DAB1: variants seen among roughly 807,000 people sequenced by gnomAD.
DAB1 encodes the protein disabled homolog 1.
In DAB1, 15 loss-of-function variants were observed where a neutral mutation model predicts 64.6. The ratio of observed to expected loss-of-function variants is 0.23; its 90% confidence interval spans 0.16 to 0.36. The LOEUF is 0.36. Among genes scored for constraint, DAB1 ranks in the 10% least tolerant of loss-of-function variants. The pLI is 1.00. For missense variants in DAB1, 596 were observed against 706.7 expected (o/e 0.84, Z 1.78); for synonymous variants, 235 against 251.9 (o/e 0.93, Z 0.64).
At position 58,169,466 on chromosome 1, in the gene DAB1, C is replaced by A. The variant is rs149719877; in HGVS notation, n.310-18878G>T. Among the ~76,000 whole-genome samples the A allele has an allele frequency of 2.0e-5, 3 of 152,268 alleles. 1 individual carries two copies. The highest frequency in any genetic ancestry group is 6.8e-3 in the Middle Eastern group (2 of 294). On this transcript the variant is annotated intron_variant and non_coding_transcript_variant, in intron 4 of 20. Coordinates refer to the DAB1 transcript ENST00000485760. ...AAAATGCATCCTAAGCCATTGGGAA[C>A]AATTTGACCTGCAAACTCTGAAAGA...
At chr1:58,291,587 A>G (rs2100450540) in intron 4 of DAB1, among the ~76,000 whole-genome samples, 2 of 152,362 alleles carry the variant, frequency 1.3e-5, no homozygotes, top group South Asian at 4.1e-4. Flanking sequence ...CTAACACAAA[A>G]TATGTGATCA....
rs563586605 is a variant in DAB1 at position 57,393,130 on chromosome 1, C to T, written c.-137+30800G>A. Among the ~76,000 whole-genome samples the T allele has an allele frequency of 3.3e-5, 5 of 152,174 alleles. No individual in the cohort carries two copies. The South Asian group carries it at 8.3e-4, about 25-fold the overall frequency. On this transcript the variant is annotated intron_variant, in intron 1 of 14. Transcript: ENST00000371236. ...TGGAATGGCTAAATCGAGCTATTTC[C>T]TCTCTGTGTGACCTGAGCAAGCTAA...
chr1:57,363,999 T>A (rs757368481), intron 1 of DAB1, among the ~76,000 whole-genome samples: 10 of 152,182 alleles, frequency 6.6e-5, no homozygotes, highest in Non-Finnish European at 1.2e-4. Context: ...TAAAGGGATA[T>A]TTCCTAAGAA....
chr1:58,241,341 A>T (rs113482159), intron 4 of DAB1, among the ~76,000 whole-genome samples: 1 of 136,086 alleles, frequency 7.3e-6, no homozygotes, highest in African/African-American at 3.0e-5. Context: ...CAAACAAATC[A>T]TTTCCTACAA....
intron 6 of DAB1, among the ~76,000 whole-genome samples, chr1:57,777,145 T>C (rs1012106523): frequency 1.3e-5 from 2 of 149,716 alleles, no homozygotes; most frequent in Non-Finnish European, 3.0e-5. Flanking sequence ...GAATTTCTTT[T>C]TTTTTTTTTT....
chr1:57,236,710 A>G (rs1313580190), intron 2 of DAB1, among the ~76,000 whole-genome samples: 2 of 152,204 alleles, frequency 1.3e-5, no homozygotes, highest in East Asian at 3.9e-4. Context: ...AAATCTTGAT[A>G]TATGAGAGTA....
At chr1:57,310,773 T>C (rs1416552409) in intron 1 of DAB1, among the ~76,000 whole-genome samples, 1 of 152,228 alleles carries the variant, frequency 6.6e-6, no homozygotes. Context: ...AAGGGTTTAA[T>C]AGTTTCATTT....
At chr1:57,619,617 G>A (rs1645832146) in intron 7 of DAB1, among the ~76,000 whole-genome samples, 1 of 152,046 alleles carries the variant, frequency 6.6e-6, no homozygotes, top group African/African-American at 2.4e-5. Context: ...TGCCAGGCTG[G>A]TCTTGAACTC....
intron 7 of DAB1, among the ~76,000 whole-genome samples, chr1:57,507,745 T>G (rs894709160): frequency 1.3e-5 from 2 of 152,230 alleles, no homozygotes; most frequent in Non-Finnish European, 2.9e-5. Context: ...ACAAATGACC[T>G]CATCAGTTAG....
chr1:57,558,898 A>G (rs1370732194), intron 7 of DAB1, among the ~76,000 whole-genome samples: 1 of 152,184 alleles, frequency 6.6e-6, no homozygotes, highest in Non-Finnish European at 1.5e-5. Context: ...TCCAGAAGAT[A>G]TACCCTTGAC....
chr1:57,184,805 C>T (rs17115261), intron 2 of DAB1, among the ~76,000 whole-genome samples: 6,570 of 152,162 alleles, frequency 0.043, 210 homozygotes, highest in South Asian at 0.13. Flanking sequence ...GTCCCATAGA[C>T]GCTTTTTCAT....
intron 5 of DAB1, among the ~76,000 whole-genome samples, chr1:57,989,707 AGGCTC>A (rs1165959191): frequency 6.6e-6 from 1 of 152,174 alleles, no homozygotes; most frequent in East Asian, 1.9e-4. Context: ...CAGGGCTGGG[AGGCTC>A]AGAGAAGTAA....
chr1:58,136,841 C>T (rs938318960), intron 5 of DAB1, among the ~76,000 whole-genome samples: 7 of 152,202 alleles, frequency 4.6e-5, no homozygotes, highest in Non-Finnish European at 8.8e-5. Flanking sequence ...TGAAAAGTAA[C>T]TTGCTGAATA....
chr1:58,380,968 C>T lies in DAB1; in HGVS notation n.258-37565G>A, dbSNP rs950576123. 2.0e-5 allele frequency among the ~76,000 whole-genome samples: 3 copies of T among 152,120 alleles called. No homozygotes were observed. The South Asian group carries it at 6.2e-4, about 32-fold the overall frequency. On this transcript the variant is annotated intron_variant and non_coding_transcript_variant, in intron 3 of 20. Transcript: ENST00000485760. ...ATGGAATACTATGCACCCATAAAAA[C>T]GAACGAGATCATGTCCTTTGCAGGG...
chr1:57,897,100 A>G (rs949600569), intron 5 of DAB1, among the ~76,000 whole-genome samples: 1 of 152,180 alleles, frequency 6.6e-6, no homozygotes, highest in African/African-American at 2.4e-5. Flanking sequence ...TCTGTAAAAA[A>G]AGTATTGTTC....
chr1:57,967,632 C>A (rs930794704), intron 5 of DAB1, among the ~76,000 whole-genome samples: 11 of 152,200 alleles, frequency 7.2e-5, no homozygotes, highest in African/African-American at 2.4e-5. Flanking sequence ...GCTCTAGAAT[C>A]TAACTGGGTT....
chr1:57,784,742 T>G (rs1280679534), intron 6 of DAB1, among the ~76,000 whole-genome samples: 1 of 152,024 alleles, frequency 6.6e-6, no homozygotes, highest in Non-Finnish European at 1.5e-5. Flanking sequence ...CTCCATAACA[T>G]AAAAGTGCAA....
chr1:57,400,926 C>T (rs1683190005), intron 1 of DAB1, among the ~76,000 whole-genome samples: 1 of 151,252 alleles, frequency 6.6e-6, no homozygotes, highest in South Asian at 2.1e-4. Flanking sequence ...GCTTTGCAGA[C>T]CAGCTTTCCC....
At chr1:57,885,907 C>T (rs1644214495), upstream of DAB1, among the ~76,000 whole-genome samples, 1 of 152,154 alleles carries the variant, frequency 6.6e-6, no homozygotes, top group South Asian at 2.1e-4. Context: ...TAAACAGTAC[C>T]AGTCACTCAA....
Sources: gnomAD v4.1 joint callset for allele counts (sites outside exome capture counted in the v4.1 genomes callset) on GRCh38, gnomAD v4.1.1 for gene constraint, MANE v1.5 for transcripts, NCBI Gene and HGNC (gene_info 2026-07-23, HGNC 2026-07-21) for gene names.